Variants in ADGRF5 observed in about 807,000 individuals in gnomAD.
ADGRF5 encodes the protein adhesion G protein-coupled receptor F5, also known as G-protein coupled receptor 116.
ADGRF5 carries 75 observed loss-of-function variants against 132.3 expected under a neutral mutation model. The ratio of observed to expected loss-of-function variants is 0.57; its 90% CI spans 0.47 to 0.69. The LOEUF (loss-of-function observed/expected upper bound fraction) is 0.69, where lower values mean the gene tolerates loss of function less well. Ranked by LOEUF, ADGRF5 falls within the 30% of genes least tolerant of loss-of-function variation. The pLI is 0.00. For synonymous variants in ADGRF5, 629 were observed against 597.6 expected (o/e 1.05, Z -0.77); for missense variants, 1,516 against 1,630.6 (o/e 0.93, Z 1.21).
At chr6:46,910,260 G>T (rs955639885) in intron 1 of ADGRF5, among the ~76,000 whole-genome samples, 1 of 152,084 alleles carries the variant, frequency 6.6e-6, no homozygotes, top group African/African-American at 2.4e-5. Flanking sequence ...ATAGGATTGT[G>T]GGTAATAATT....
chr6:46,883,590 T>C lies in ADGRF5; in HGVS notation c.581A>G (p.Tyr194Cys), dbSNP rs1180709189. 3.7e-6 allele frequency: 6 copies of C among 1,609,250 alleles called. No individual in the cohort carries two copies. The highest frequency in any genetic ancestry group is 1.7e-4 in the Middle Eastern group (1 of 6,044). Residue 194 changes from tyrosine (Y) to cysteine (C), a missense_variant, in exon 6 of 21, where the codon TAT (tyrosine) becomes TGT (cysteine). Tyr to Cys is a radical substitution (Grantham distance 194). Coordinates refer to ENST00000283296, the MANE Select transcript of ADGRF5 (RefSeq NM_001098518.2). ...TTCCAAGTCGGTCTTGTAGGACCTATAGAGGGCGGAGGAAGTGTTCATGAG... is the reference window on the plus strand; with the variant it reads ...TTCCAAGTCGGTCTTGTAGGACCTACAGAGGGCGGAGGAAGTGTTCATGAG... ...EDLMNTSSAL[Y>C]RSYKTDLETA...
At position 46,869,044 on chromosome 6, in the gene ADGRF5, T is replaced by C; in HGVS notation, c.1460A>G (p.Asn487Ser). 1.2e-6 allele frequency: 2 copies of C among 1,614,026 alleles called. No homozygotes were observed. Among genetic ancestry groups the C allele is most frequent in the Non-Finnish European group, 1.7e-6 (2 of 1,179,942 alleles). The change falls in exon 12 of 21, where the codon AAC becomes AGC. Residue 487 changes from asparagine to serine, a missense_variant. By Grantham distance (46) the Asn-to-Ser change is conservative. Transcript: ENST00000283296. ...PDPISVSEGQ[N>S]FSIKCISDVS... ...ATCACTGATGCATTTTATAGAAAAG[T>C]TTTGTCCCTCAGAAACAGAAATTGG...
chr6:46,882,147 G>A (rs746139373), intron 6 of ADGRF5, 40 bp from the exon 7 acceptor site: 10 of 1,325,066 alleles, frequency 7.5e-6, no homozygotes, highest in East Asian at 6.9e-5. Flanking sequence ...TATCAAAGTC[G>A]AGAAATAGGT....
At chr6:46,941,480 GA>G (rs1207578942) in intron 1 of ADGRF5, among the ~76,000 whole-genome samples, 3 of 118,646 alleles carry the variant, frequency 2.5e-5, no homozygotes, top group African/African-American at 8.9e-5. Context: ...GAAAAGAAAA[GA>G]AAAGAAAGAA....
At chr6:46,870,580 C>G (rs1053152215) in intron 11 of ADGRF5, among the ~76,000 whole-genome samples, 2 of 152,196 alleles carry the variant, frequency 1.3e-5, no homozygotes, top group African/African-American at 4.8e-5. Context: ...TAATATGTCC[C>G]TGCATTGCCC....
intron 1 of ADGRF5, among the ~76,000 whole-genome samples, chr6:46,938,808 T>C (rs1257123003): frequency 2.0e-5 from 3 of 152,152 alleles, no homozygotes; most frequent in Non-Finnish European, 4.4e-5. Context: ...ACACATGTTC[T>C]ACCACAGAGT....
chr6:46,897,177 C>CACAT (rs1413231297), intron 3 of ADGRF5, among the ~76,000 whole-genome samples: 14 of 150,752 alleles, frequency 9.3e-5, no homozygotes, highest in African/African-American at 3.4e-4. Flanking sequence ...CACACACACA[C>CACAT]ATATAAATTC....
chr6:46,858,560 G>C lies in ADGRF5; in HGVS notation c.3343C>G (p.Leu1115Val), dbSNP rs749342291. 11 of 1,613,880 alleles carry C rather than the reference G, an allele frequency of 6.8e-6. No individual in the cohort carries two copies. Among genetic ancestry groups the C allele is most frequent in the Non-Finnish European group, 8.5e-6 (10 of 1,179,936 alleles). The change falls in exon 17 of 21, where the codon CTG (leucine) becomes GTG (valine). Residue 1115 changes from leucine to valine, a missense_variant. Leu to Val is a conservative substitution (Grantham distance 32). Transcript: ENST00000283296. ...LTLGLMLFYR[L>V]VFILHETSRS... ...CTTGTTTCATGCAGAATGAAAACCA[G>C]GCGATAGAACAGCATGAGGCCCAGT...
intron 1 of ADGRF5, among the ~76,000 whole-genome samples, chr6:46,912,027 T>C (rs1309011908): frequency 6.6e-6 from 1 of 152,140 alleles, no homozygotes; most frequent in Admixed American, 6.6e-5. Context: ...GTCTTTACAA[T>C]TCTAATGGGG....
intron 1 of ADGRF5, among the ~76,000 whole-genome samples, chr6:46,942,043 T>C (rs188821626): frequency 9.2e-5 from 14 of 152,314 alleles, no homozygotes; most frequent in African/African-American, 3.4e-4. Flanking sequence ...TTTCTGAACA[T>C]CCTTAGCACC....
chr6:46,934,207 C>T (rs770353970), intron 1 of ADGRF5, among the ~76,000 whole-genome samples: 2 of 152,124 alleles, frequency 1.3e-5, no homozygotes, highest in Non-Finnish European at 2.9e-5. Flanking sequence ...CAAAAACAAA[C>T]ATACACACAC....
At chr6:46,896,848 T>A (rs1361316855) in intron 3 of ADGRF5, among the ~76,000 whole-genome samples, 1 of 152,156 alleles carries the variant, frequency 6.6e-6, no homozygotes, top group Admixed American at 6.5e-5. Flanking sequence ...AGCCTTTTTT[T>A]CATGTCACTA....
chr6:46,864,781 C>T (rs1043984652), intron 14 of ADGRF5, among the ~76,000 whole-genome samples: 2 of 152,144 alleles, frequency 1.3e-5, no homozygotes, highest in African/African-American at 4.8e-5. Context: ...ACCTCGGCCT[C>T]CCAAAGTGCT....
chr6:46,869,593 T>C (rs1333185544), intron 11 of ADGRF5, among the ~76,000 whole-genome samples: 1 of 152,198 alleles, frequency 6.6e-6, no homozygotes, highest in Non-Finnish European at 1.5e-5. Context: ...AGGGCAGACC[T>C]GTAGCCTCTG....
At chr6:46,888,915 A>T (rs1773334036) in intron 3 of ADGRF5, among the ~76,000 whole-genome samples, 1 of 152,138 alleles carries the variant, frequency 6.6e-6, no homozygotes, top group African/African-American at 2.4e-5. Flanking sequence ...CACCCAGTTA[A>T]TTCTCTTTGC....
chr6:46,908,646 C>T (rs1412367066), intron 1 of ADGRF5: 2 of 152,162 alleles, frequency 1.3e-5, no homozygotes, highest in African/African-American at 4.8e-5. Context: ...AGGCCATTGG[C>T]CAATACTGTC....
intron 1 of ADGRF5, among the ~76,000 whole-genome samples, chr6:46,950,134 C>T (rs1398616394): frequency 1.3e-5 from 2 of 152,182 alleles, no homozygotes; most frequent in South Asian, 2.1e-4. Flanking sequence ...GGACTCCACC[C>T]ATTATGGGCA....
chr6:46,867,027 C>T lies in ADGRF5; in HGVS notation c.1732G>A (p.Ala578Thr). The change falls in exon 13 of 21, where the codon GCT becomes ACT. Residue 578 changes from alanine to threonine, a missense_variant. Ala to Thr is a moderately conservative substitution (Grantham distance 58). Transcript: ENST00000283296. ...KLNIMVDPLE[A>T]TVSCSGSHHI... The stretch of plus-strand genomic sequence containing the variant: ...TGGGAACCACTGCATGAAACAGTAG[C>T]TTCCAAAGGATCAACCATGATGTTC... 3 of 1,613,614 alleles carry T rather than the reference C, an allele frequency of 1.9e-6. No individual in the cohort carries two copies. Among genetic ancestry groups the T allele is most frequent in the Non-Finnish European group, 2.5e-6 (3 of 1,179,516 alleles).
chr6:46,877,294 TCTCTC>T (rs1562174794), intron 10 of ADGRF5, among the ~76,000 whole-genome samples: 27 of 60,880 alleles, frequency 4.4e-4, no homozygotes, highest in African/African-American at 1.1e-3. Flanking sequence ...TTTCTTTCTC[TCTCTC>T]TCTCTCTTTC....
Sources: gnomAD v4.1 joint callset for allele counts (sites outside exome capture counted in the v4.1 genomes callset) on GRCh38, gnomAD v4.1.1 for gene constraint, MANE v1.5 for transcripts, NCBI Gene and HGNC (gene_info 2026-07-23, HGNC 2026-07-21) for gene names.